The following PCDH15 variants were observed in gnomAD, a reference collection of about 807,000 sequenced individuals.
The protein encoded by PCDH15 is protocadherin related 15, also known as protocadherin-15.
In PCDH15, 129 loss-of-function variants were observed where a neutral mutation model predicts 178.5. The ratio of observed to expected loss-of-function variants is 0.72; its 90% confidence interval spans 0.63 to 0.84. The LOEUF is 0.84. Ranked by LOEUF, PCDH15 falls within the 40% of genes least tolerant of loss-of-function variation. PCDH15 has a pLI of 0.00. For missense variants in PCDH15, 2,230 were observed against 2,099.9 expected (o/e 1.06, Z -1.21); for synonymous variants, 800 against 732.0 (o/e 1.09, Z -1.50).
chr10:54,266,136 C>T (rs1033154349), intron 8 of PCDH15, among the ~76,000 whole-genome samples: 3 of 131,346 alleles, frequency 2.3e-5, no homozygotes, highest in African/African-American at 9.5e-5. Flanking sequence ...AACTCTAAAA[C>T]GCAGACACAA....
chr10:54,050,016 G>A (rs926475939), intron 18 of PCDH15, among the ~76,000 whole-genome samples: 1 of 152,136 alleles, frequency 6.6e-6, no homozygotes, highest in African/African-American at 2.4e-5. Flanking sequence ...GTATGGGCCT[G>A]TAGTTTTCCA....
At chr10:54,082,362 T>C (rs1279827891) in intron 16 of PCDH15, among the ~76,000 whole-genome samples, 1 of 152,146 alleles carries the variant, frequency 6.6e-6, no homozygotes, top group African/African-American at 2.4e-5. Flanking sequence ...AATAGTTTCA[T>C]GGAAAATTCA....
chr10:53,854,630 T>C (rs1204753438), intron 28 of PCDH15, among the ~76,000 whole-genome samples: 1 of 151,986 alleles, frequency 6.6e-6, no homozygotes, highest in African/African-American at 2.4e-5. Context: ...CTGCATTCCA[T>C]TACCAAATGC....
intron 2 of PCDH15, among the ~76,000 whole-genome samples, chr10:54,604,644 T>C (rs563608974): frequency 5.9e-5 from 9 of 152,092 alleles, no homozygotes; most frequent in Non-Finnish European, 8.8e-5. Context: ...TCCTATCATG[T>C]TTAACTATGT....
At chr10:54,130,376 C>T (rs1293944616) in intron 15 of PCDH15, among the ~76,000 whole-genome samples, 1 of 152,128 alleles carries the variant, frequency 6.6e-6, no homozygotes, top group East Asian at 1.9e-4. Flanking sequence ...CTCACGATTT[C>T]GGCGCGGTCT....
chr10:55,023,231 C>T (rs1325771402), intron 2 of PCDH15, among the ~76,000 whole-genome samples: 4 of 152,234 alleles, frequency 2.6e-5, no homozygotes, highest in South Asian at 2.1e-4. Context: ...CATGAGCCAC[C>T]GCGCCCGGTT....
chr10:54,316,529 T>TACACACAC (rs35604056), intron 8 of PCDH15, among the ~76,000 whole-genome samples: 30 of 132,296 alleles, frequency 2.3e-4, no homozygotes, highest in South Asian at 4.9e-4. Context: ...AATATGTGTA[T>TACACACAC]ACACACACAC....
intron 2 of PCDH15, among the ~76,000 whole-genome samples, chr10:55,605,309 C>G (rs902849853): frequency 2.0e-5 from 3 of 152,130 alleles, no homozygotes; most frequent in Non-Finnish European, 4.4e-5. Context: ...TCGAATTCTA[C>G]CAGAGGTGCA....
At chr10:54,480,007 C>A (rs1301049311) in intron 3 of PCDH15, among the ~76,000 whole-genome samples, 1 of 151,984 alleles carries the variant, frequency 6.6e-6, no homozygotes, top group African/African-American at 2.4e-5. Context: ...ATAATTATGA[C>A]TCACTAGAGT....
chr10:54,640,313 C>A (rs1175755295), intron 2 of PCDH15, among the ~76,000 whole-genome samples: 1 of 149,704 alleles, frequency 6.7e-6, no homozygotes. Context: ...TTTAGAAAAT[C>A]AGGGCAAAAC....
At chr10:55,419,919 G>T (rs1191112413) in intron 2 of PCDH15, among the ~76,000 whole-genome samples, 1 of 151,674 alleles carries the variant, frequency 6.6e-6, no homozygotes. Flanking sequence ...TCTTAAAACG[G>T]AGGTCAAAAC....
At chr10:54,554,780 A>G (rs2086989288) in intron 2 of PCDH15, among the ~76,000 whole-genome samples, 1 of 152,176 alleles carries the variant, frequency 6.6e-6, no homozygotes, top group Non-Finnish European at 1.5e-5. Context: ...TGGAAAAAGT[A>G]CATCGGAAAA....
intron 1 of PCDH15, among the ~76,000 whole-genome samples, chr10:55,256,269 C>T (rs1167304009): frequency 6.6e-6 from 1 of 152,146 alleles, no homozygotes; most frequent in Non-Finnish European, 1.5e-5. Flanking sequence ...CGAATAGGAA[C>T]AGCTCCAGTC....
At chr10:54,087,785 T>A (rs944464286) in intron 16 of PCDH15, among the ~76,000 whole-genome samples, 1 of 152,154 alleles carries the variant, frequency 6.6e-6, no homozygotes, top group African/African-American at 2.4e-5. Flanking sequence ...TTGTCACCAA[T>A]GTAGGAGATA....
intron 1 of PCDH15, among the ~76,000 whole-genome samples, chr10:55,184,713 T>A (rs1474091704): frequency 6.6e-6 from 1 of 151,976 alleles, no homozygotes; most frequent in African/African-American, 2.4e-5. Flanking sequence ...TCATAGCATT[T>A]GGGAAGCATG....
At chr10:55,498,065 G>T (rs533702644) in intron 2 of PCDH15, among the ~76,000 whole-genome samples, 1 of 151,966 alleles carries the variant, frequency 6.6e-6, no homozygotes, top group South Asian at 2.1e-4. Context: ...GGATTCCAAA[G>T]ATTCCATGTT....
intron 32 of PCDH15, chr10:53,821,436 A>C (rs2076265131): frequency 2.0e-6 from 2 of 1,007,796 alleles, no homozygotes; most frequent in Admixed American, 5.2e-5. Flanking sequence ...CAATCATATC[A>C]GTTTTAACTT....
intron 18 of PCDH15, among the ~76,000 whole-genome samples, chr10:54,033,650 T>C (rs1177556594): frequency 1.3e-5 from 2 of 151,982 alleles, no homozygotes; most frequent in African/African-American, 4.8e-5. Context: ...AAATACCATC[T>C]CCATGAATTG....
chr10:53,925,978 C>G (rs16937833), intron 25 of PCDH15, among the ~76,000 whole-genome samples: 1,755 of 152,244 alleles, frequency 0.012, 30 homozygotes, highest in African/African-American at 0.037. Flanking sequence ...TCTTGAACAC[C>G]TTTGGAAGTC....
Sources: allele counts gnomAD v4.1 joint callset (sites outside exome capture counted in the v4.1 genomes callset), GRCh38; gene constraint gnomAD v4.1.1; transcripts MANE v1.5; gene names NCBI Gene and HGNC (gene_info 2026-07-23, HGNC 2026-07-21).